KDM4B: variants seen among roughly 807,000 people sequenced by gnomAD.
KDM4B encodes lysine-specific demethylase 4B.
KDM4B carries 32 observed loss-of-function variants against 125.2 expected under a neutral mutation model. That is an observed-to-expected ratio of 0.26 (90% CI 0.19 to 0.34). KDM4B has a LOEUF of 0.34. KDM4B is among the 10% of genes least tolerant of loss of function. The pLI is 1.00. For synonymous variants in KDM4B, 721 were observed against 677.9 expected (o/e 1.06, Z -0.99); for missense variants, 1,190 against 1,577.7 (o/e 0.75, Z 4.16).
rs1188733758 is a variant in KDM4B at position 5,082,172 on chromosome 19, C to T, written c.781-195C>T. Among the ~76,000 whole-genome samples the T allele has an allele frequency of 6.6e-6, 1 of 152,210 alleles. No homozygotes were observed. The highest frequency in any genetic ancestry group is 1.9e-4 in the East Asian group (1 of 5,194). Reference sequence around the variant, plus strand: ...GCAGAGCTGTGGCTGCGGCTGCTCACTATGTCCTTCATGAGCCGCGTGGGA... The same window carrying T: ...GCAGAGCTGTGGCTGCGGCTGCTCATTATGTCCTTCATGAGCCGCGTGGGA... On this transcript the variant is annotated intron_variant, in intron 8 of 22. Coordinates refer to ENST00000159111, the MANE Select transcript of KDM4B (RefSeq NM_015015.3). The surrounding 1 kb of genome is among the most constrained non-coding windows in gnomAD (Gnocchi z 5.4).
Position 5,035,229 on chromosome 19 carries a change from G to A in KDM4B, c.141+2198G>A, listed in dbSNP as rs569600144. Among the ~76,000 whole-genome samples, 178 of 152,160 alleles carry A rather than the reference G, an allele frequency of 1.2e-3. No individual in the cohort carries two copies. The highest frequency in any genetic ancestry group is 2.0e-3 in the Non-Finnish European group (139 of 67,990). On this transcript the variant is annotated intron_variant, in intron 3 of 22. Coordinates refer to ENST00000159111, the MANE Select transcript of KDM4B (RefSeq NM_015015.3). This position sits in a 1 kb window ranked among gnomAD's most constrained non-coding sequence, Gnocchi z 5.3. ...ACATAGGGCAGGTGGGACAGGCGTC[G>A]CCTCCCTTTATCCTGGCACCGCATC...
At position 5,110,642 on chromosome 19, in the gene KDM4B, G is replaced by A; in HGVS notation, c.939G>A (p.Met313Ile). The A allele has an allele frequency of 6.2e-7, 1 of 1,613,004 alleles. No homozygotes were observed. Among genetic ancestry groups the A allele is most frequent in the Non-Finnish European group, 8.5e-7 (1 of 1,179,892 alleles). Reference sequence around the variant, plus strand: ...CGCAGTGCACGTGCCGGAAGGACATGGTCAAGATCTCCATGGACGTGTTCG... The same window carrying A: ...CGCAGTGCACGTGCCGGAAGGACATAGTCAAGATCTCCATGGACGTGTTCG... ...VATQCTCRKD[M>I]VKISMDVFVR... The change falls in exon 10 of 23, where the codon ATG (methionine) becomes ATA (isoleucine). Residue 313 changes from methionine (M) to isoleucine (I), a missense_variant. Coordinates refer to ENST00000159111, the MANE Select transcript of KDM4B (RefSeq NM_015015.3).
intron 21 of KDM4B, among the ~76,000 whole-genome samples, chr19:5,145,819 G>A (rs764522288): frequency 1.2e-4 from 18 of 152,114 alleles, no homozygotes; most frequent in Non-Finnish European, 1.6e-4. Context: ...GTCACGCGGC[G>A]GGTCAGTCGG....
chr19:5,041,093 C>T lies in KDM4B; in HGVS notation c.318-44C>T, dbSNP rs780292763. On this transcript the variant is annotated intron_variant, in intron 4 of 22. Coordinates refer to ENST00000159111, the MANE Select transcript of KDM4B (RefSeq NM_015015.3). ...GTGGCTGAGGGTGGGCTGCGTAGCACCCAGGCCTCACCCTGAGCTGGTTTT... is the reference window on the plus strand; with the variant it reads ...GTGGCTGAGGGTGGGCTGCGTAGCATCCAGGCCTCACCCTGAGCTGGTTTT... The T allele has an allele frequency of 8.6e-6, 12 of 1,387,956 alleles. No individual in the cohort carries two copies. The South Asian group carries it at 1.2e-4, about 14-fold the overall frequency. 86.0% of individuals were successfully genotyped at this position (1,387,956 alleles called of 1,614,324 possible).
At chr19:5,143,429 G>A (rs2039780463) in intron 18 of KDM4B, among the ~76,000 whole-genome samples, 1 of 152,120 alleles carries the variant, frequency 6.6e-6, no homozygotes, top group African/African-American at 2.4e-5. Flanking sequence ...TTCCAGAACA[G>A]TTCATCACCC....
intron 21 of KDM4B, among the ~76,000 whole-genome samples, chr19:5,148,575 CG>C (rs2039891837): frequency 6.6e-6 from 1 of 152,182 alleles, no homozygotes; most frequent in African/African-American, 2.4e-5. Flanking sequence ...GAGTCGGGGC[CG>C]GGGAGCTGGG....
rs1468821943 is a variant in KDM4B at position 4,980,658 on chromosome 19, C to T, written c.-109+11428C>T. On this transcript the variant is annotated intron_variant, in intron 1 of 22. Transcript: ENST00000159111. Reference sequence around the variant, plus strand: ...GGCCAGGCTGGTCTCGAACTCCTGGCCTCAAGTCATCTGCCTGCCTCGGCC... The same window carrying T: ...GGCCAGGCTGGTCTCGAACTCCTGGTCTCAAGTCATCTGCCTGCCTCGGCC... Among the ~76,000 whole-genome samples, 7 of 152,070 alleles carry T rather than the reference C, an allele frequency of 4.6e-5. 1 individual carries two copies. In the South Asian group the frequency reaches 1.5e-3, roughly 32 times the overall value.
chr19:5,044,021 C>T (rs2036938116), intron 5 of KDM4B, among the ~76,000 whole-genome samples: 1 of 112,196 alleles, frequency 8.9e-6, no homozygotes, highest in Admixed American at 8.6e-5. Context: ...GTGGGGTGTC[C>T]ACCTTATCCC....
Position 5,151,291 on chromosome 19 carries a change from A to T in KDM4B, c.3115-44A>T. ...ATAGACAGTGGCTGGGGCCGCACAG[A>T]GTGTCTCCACCGTGCTAACCACTGT... On this transcript the variant is annotated intron_variant, in intron 22 of 22. Coordinates refer to ENST00000159111, the MANE Select transcript of KDM4B (RefSeq NM_015015.3). 2.1e-6 allele frequency: 3 copies of T among 1,414,446 alleles called. No homozygotes were observed. In the South Asian group the frequency reaches 4.5e-5, roughly 21 times the overall value. 87.6% of individuals were successfully genotyped at this position (1,414,446 alleles called of 1,614,324 possible).
At chr19:5,111,684 T>C (rs1484608226) in intron 10 of KDM4B, 1 of 736,404 alleles carries the variant, frequency 1.4e-6, no homozygotes, top group African/African-American at 1.7e-5. Flanking sequence ...GAGCATGAGC[T>C]GGAGCCGGGA....
At chr19:5,069,980 C>A (rs982807439) in intron 6 of KDM4B, among the ~76,000 whole-genome samples, 2 of 152,106 alleles carry the variant, frequency 1.3e-5, no homozygotes, top group African/African-American at 4.8e-5. Context: ...CGTCTCCCAC[C>A]CTCTGAGCTT....
rs536939695 is a variant in KDM4B, at chr19:5,134,422, G to A, written c.2085+361G>A. 2.7e-3 allele frequency among the ~76,000 whole-genome samples: 414 copies of A among 152,276 alleles called. 2 individuals carry two copies. Among genetic ancestry groups the A allele is most frequent in the Non-Finnish European group, 3.6e-3 (245 of 68,004 alleles). On this transcript the variant is annotated intron_variant, in intron 14 of 22. Transcript: ENST00000159111. ...AGGTACACCACCTGGGTGGCCGGGC[G>A]GGGCTCCCGCAAACCCTGGCCTGTC...
At position 5,128,861 on chromosome 19, in the gene KDM4B, G is replaced by T. The variant is rs571909754; in HGVS notation, c.1316-2215G>T. 5.2e-3 allele frequency among the ~76,000 whole-genome samples: 273 copies of T among 52,524 alleles called. 1 individual carries two copies. Among genetic ancestry groups the T allele is most frequent in the African/African-American group, 0.015 (232 of 15,494 alleles). 34.5% of individuals were successfully genotyped at this position (52,524 alleles called of 152,430 possible). On this transcript the variant is annotated intron_variant, in intron 11 of 22. Coordinates refer to ENST00000159111, the MANE Select transcript of KDM4B (RefSeq NM_015015.3). ...CCAGATAACAGTGGAGGCGGGGGGC[G>T]GGGGGGGGGGTCATATAACAGCGGG...
intron 3 of KDM4B, among the ~76,000 whole-genome samples, chr19:5,036,730 G>A (rs2036638707): frequency 2.6e-5 from 4 of 152,404 alleles, no homozygotes; most frequent in Admixed American, 2.6e-4. Flanking sequence ...TGTGGCAGTA[G>A]GAATGTCCCG....
chr19:5,126,734 G>A (rs1297442916), intron 11 of KDM4B, among the ~76,000 whole-genome samples: 1 of 152,240 alleles, frequency 6.6e-6, no homozygotes, highest in African/African-American at 2.4e-5. Context: ...TGGGCCTCTG[G>A]GACCGTCAGG....
intron 22 of KDM4B, 57 bp from the exon 23 acceptor site, chr19:5,151,278 T>TG: frequency 1.5e-6 from 2 of 1,357,800 alleles, no homozygotes; most frequent in Non-Finnish European, 1.9e-6. Context: ...AGACAGTGGC[T>TG]GGGGCCGCAC....
At chr19:5,085,639 G>A (rs2038466235) in intron 9 of KDM4B, among the ~76,000 whole-genome samples, 1 of 152,230 alleles carries the variant, frequency 6.6e-6, no homozygotes, top group African/African-American at 2.4e-5. Flanking sequence ...TTCCAGGCAG[G>A]CGCCCAGGGC....
chr19:5,000,521 A>G (rs1265785374), intron 1 of KDM4B, among the ~76,000 whole-genome samples: 2 of 151,942 alleles, frequency 1.3e-5, no homozygotes, highest in Admixed American at 6.6e-5. Context: ...AGGGTCCCTT[A>G]CCATCTTTCC....
rs765643673 is a variant in KDM4B at position 5,131,039 on chromosome 19, G to C, written c.1316-37G>C. 6 of 1,434,690 alleles carry C rather than the reference G, an allele frequency of 4.2e-6. No individual in the cohort carries two copies. The Admixed American group carries it at 1.6e-4, about 37-fold the overall frequency. The allele number at this position is 1,434,690 out of a possible 1,614,324, so 88.9% of individuals were successfully genotyped here. A position where few individuals can be genotyped will look rare whatever the true frequency, so the allele number is the denominator to read the frequency against. ...AGCGTGGGACCAGCACTTGAGCCCGGGTTCTCCTCCCTGACCTCCCTCTCC... is the reference window on the plus strand; with the variant it reads ...AGCGTGGGACCAGCACTTGAGCCCGCGTTCTCCTCCCTGACCTCCCTCTCC... On this transcript the variant is annotated intron_variant, in intron 11 of 22. Coordinates refer to ENST00000159111, the MANE Select transcript of KDM4B (RefSeq NM_015015.3).
Sources: gnomAD v4.1 joint callset for allele counts (sites outside exome capture counted in the v4.1 genomes callset) on GRCh38, gnomAD v4.1.1 for gene constraint, Gnocchi (gnomAD v3.1) non-coding constraint, MANE v1.5 for transcripts, NCBI Gene and HGNC (gene_info 2026-07-23, HGNC 2026-07-21) for gene names.